Variants in NKAIN3 observed in about 807,000 individuals in gnomAD.
NKAIN3 encodes the protein sodium/potassium-transporting ATPase subunit beta-1-interacting protein 3.
A neutral mutation model predicts 30.2 loss-of-function variants in NKAIN3; 25 were observed. That is an observed-to-expected ratio of 0.83 (90% CI 0.60 to 1.16). The LOEUF is 1.16. NKAIN3 is among the 50% of genes most tolerant of loss of function. The pLI is 0.00. For missense variants in NKAIN3, 225 were observed against 254.1 expected (o/e 0.89, Z 0.78); for synonymous variants, 91 against 89.6 (o/e 1.02, Z -0.09).
At chr8:62,955,380 T>C (rs1210899357) in intron 6 of NKAIN3, among the ~76,000 whole-genome samples, 1 of 152,164 alleles carries the variant, frequency 6.6e-6, no homozygotes, top group African/African-American at 2.4e-5. Context: ...TTTGTAGATA[T>C]GGGGAACTTG....
At position 62,362,494 on chromosome 8, in the gene NKAIN3, AG is replaced by A. The variant is rs374356030; in HGVS notation, c.54+113369del. On this transcript the variant is annotated intron_variant, in intron 1 of 6. Coordinates refer to ENST00000623646, the MANE Select transcript of NKAIN3 (RefSeq NM_001304533.3). The stretch of plus-strand genomic sequence containing the variant: ...GAGCCAAATGTAAGGACAGTTTCCC[AG>A]GTGGGTGGAGAAACCCATGAGACAT... Among the ~76,000 whole-genome samples, 785 of 152,322 alleles carry A rather than the reference AG, an allele frequency of 5.2e-3. 3 individuals carry two copies. The highest frequency in any genetic ancestry group is 0.018 in the African/African-American group (751 of 41,576).
At chr8:62,927,865 A>C (rs551256719) in intron 5 of NKAIN3, among the ~76,000 whole-genome samples, 1 of 152,362 alleles carries the variant, frequency 6.6e-6, no homozygotes, top group East Asian at 1.9e-4. Context: ...AGACCAGACA[A>C]TAAAAGAGAT....
chr8:62,582,801 A>G (rs980715012), intron 2 of NKAIN3, among the ~76,000 whole-genome samples: 1 of 149,814 alleles, frequency 6.7e-6, no homozygotes, highest in African/African-American at 2.4e-5. Context: ...GGGGCTCTCT[A>G]GAGGTGAGTA....
At chr8:62,321,082 T>G (rs1021584448) in intron 1 of NKAIN3, among the ~76,000 whole-genome samples, 6 of 152,242 alleles carry the variant, frequency 3.9e-5, no homozygotes, top group African/African-American at 1.4e-4. Flanking sequence ...TTTCATTTAT[T>G]TGATCTTCCA....
intron 1 of NKAIN3, among the ~76,000 whole-genome samples, chr8:62,568,881 G>T (rs1238816737): frequency 6.6e-6 from 1 of 152,122 alleles, no homozygotes; most frequent in East Asian, 1.9e-4. Context: ...TCACCTAGAA[G>T]AGCTAGTTCA....
rs554123338 is a variant in NKAIN3, at chr8:62,781,578, T to C, written c.471+34449T>C. On this transcript the variant is annotated intron_variant, in intron 4 of 6. Coordinates refer to ENST00000623646, the MANE Select transcript of NKAIN3 (RefSeq NM_001304533.3). ...AGCATAGTATTAGAATAAAAATAGA[T>C]GCATGGACCAATGGAACAGAATAGA... is the stretch of plus-strand genomic sequence containing the variant. 1.7e-3 allele frequency among the ~76,000 whole-genome samples: 251 copies of C among 151,894 alleles called. 1 individual carries two copies. Among genetic ancestry groups the C allele is most frequent in the African/African-American group, 5.8e-3 (239 of 41,496 alleles).
intron 1 of NKAIN3, among the ~76,000 whole-genome samples, chr8:62,450,830 G>A (rs1157292774): frequency 1.3e-5 from 2 of 152,158 alleles, no homozygotes; most frequent in African/African-American, 2.4e-5. Context: ...AAAGGATCTT[G>A]AAAGAATGTC....
intron 3 of NKAIN3, among the ~76,000 whole-genome samples, chr8:62,636,619 G>A (rs771454860): frequency 7.9e-5 from 12 of 152,178 alleles, no homozygotes; most frequent in Admixed American, 7.9e-4. Context: ...ATAATCTTGT[G>A]TTTGTGTATT....
chr8:62,901,938 A>G (rs1267654041), intron 4 of NKAIN3, among the ~76,000 whole-genome samples: 3 of 152,206 alleles, frequency 2.0e-5, no homozygotes, highest in African/African-American at 4.8e-5. Context: ...TTGTAAAAAC[A>G]TACCCTCAAT....
chr8:62,282,503 C>T (rs1296991680), intron 1 of NKAIN3, among the ~76,000 whole-genome samples: 3 of 152,140 alleles, frequency 2.0e-5, no homozygotes, highest in Non-Finnish European at 4.4e-5. Context: ...TTGACCTGGA[C>T]TGTGTTTTCC....
At chr8:62,712,230 G>C (rs1466484319) in intron 3 of NKAIN3, among the ~76,000 whole-genome samples, 2 of 152,154 alleles carry the variant, frequency 1.3e-5, no homozygotes, top group Non-Finnish European at 2.9e-5. Context: ...CGAGGAGGTG[G>C]CACTTTCCAG....
At chr8:62,362,781 C>T (rs1282182926) in intron 1 of NKAIN3, among the ~76,000 whole-genome samples, 1 of 152,176 alleles carries the variant, frequency 6.6e-6, no homozygotes, top group African/African-American at 2.4e-5. Flanking sequence ...TCCAAGGATG[C>T]CTCATGGTCA....
chr8:62,940,218 C>T (rs529393036), intron 5 of NKAIN3, among the ~76,000 whole-genome samples: 1 of 149,624 alleles, frequency 6.7e-6, no homozygotes, highest in South Asian at 2.1e-4. Flanking sequence ...GAAAATATTA[C>T]AATCCTAAAT....
At position 62,974,200 on chromosome 8, in the gene NKAIN3, G is replaced by A. The variant is rs1823895540; in HGVS notation, c.*8793G>A. Among the ~76,000 whole-genome samples the A allele has an allele frequency of 6.6e-6, 1 of 152,094 alleles. No homozygotes were observed. The highest frequency in any genetic ancestry group is 1.5e-5 in the Non-Finnish European group (1 of 68,018). ...AAGTAGTTTTTTCTAATTCTGTGAAGAAAATCAATGTTAGTTTGATGGGAA... is the reference window on the plus strand; with the variant it reads ...AAGTAGTTTTTTCTAATTCTGTGAAAAAAATCAATGTTAGTTTGATGGGAA... On this transcript the variant is annotated 3_prime_UTR_variant, in exon 7 of 7. Coordinates refer to ENST00000623646, the MANE Select transcript of NKAIN3 (RefSeq NM_001304533.3).
At chr8:62,945,158 AT>A (rs1219103185) in intron 5 of NKAIN3, among the ~76,000 whole-genome samples, 1 of 152,198 alleles carries the variant, frequency 6.6e-6, no homozygotes, top group Non-Finnish European at 1.5e-5. Context: ...TAACAAATGA[AT>A]TTTTTAAGTA....
chr8:62,707,239 T>C (rs975914151), intron 3 of NKAIN3, among the ~76,000 whole-genome samples: 1 of 152,164 alleles, frequency 6.6e-6, no homozygotes, highest in Non-Finnish European at 1.5e-5. Context: ...TCTGTGTACA[T>C]ACCCAGTAGT....
rs531859546 is a variant in NKAIN3 at position 62,859,508 on chromosome 8, T to TAAAA, written c.472-58935_472-58932dup. ...ACTTTTTCTATACTCTTACTTCAAC[T>TAAAA]AAAAAAAAAAAAACTTCATGGAAGT... On this transcript the variant is annotated intron_variant, in intron 4 of 6. Coordinates refer to ENST00000623646, the MANE Select transcript of NKAIN3 (RefSeq NM_001304533.3). Among the ~76,000 whole-genome samples the TAAAA allele has an allele frequency of 6.6e-5, 4 of 60,442 alleles. 1 individual carries two copies. Among genetic ancestry groups the TAAAA allele is most frequent in the Non-Finnish European group, 1.3e-4 (4 of 29,630 alleles). 39.7% of individuals were successfully genotyped at this position (60,442 alleles called of 152,430 possible). A position where few individuals can be genotyped will look rare whatever the true frequency, so the allele number is the denominator to read the frequency against.
intron 1 of NKAIN3, among the ~76,000 whole-genome samples, chr8:62,313,677 A>C (rs575513407): frequency 6.6e-6 from 1 of 152,302 alleles, no homozygotes; most frequent in South Asian, 2.1e-4. Context: ...TGGGAAATTT[A>C]AAAAATATTT....
chr8:62,965,738 GAA>G lies in NKAIN3; in HGVS notation c.*333_*334del, dbSNP rs1823694696. Reference sequence around the variant, plus strand: ...AAACCTTCTACAGTCAATTCTAAGAGAAATCTCAGTGTGTGCTGTGGAGATGT... The same window carrying G: ...AAACCTTCTACAGTCAATTCTAAGAGATCTCAGTGTGTGCTGTGGAGATGT... On this transcript the variant is annotated 3_prime_UTR_variant, in exon 7 of 7. Coordinates refer to ENST00000623646, the MANE Select transcript of NKAIN3 (RefSeq NM_001304533.3). 2 of 984,636 alleles carry G rather than the reference GAA, an allele frequency of 2.0e-6. No individual in the cohort carries two copies. The highest frequency in any genetic ancestry group is 9.4e-5 in the South Asian group (2 of 21,284). The allele number at this position is 984,636 out of a possible 1,614,324, so 61.0% of individuals were successfully genotyped here. A position where few individuals can be genotyped will look rare whatever the true frequency, so the allele number is the denominator to read the frequency against.
Sources: gnomAD v4.1 joint callset for allele counts (sites outside exome capture counted in the v4.1 genomes callset) on GRCh38, gnomAD v4.1.1 for gene constraint, MANE v1.5 for transcripts, NCBI Gene and HGNC (gene_info 2026-07-23, HGNC 2026-07-21) for gene names.